The following LYPLAL1 variants were observed in gnomAD, a reference collection of about 807,000 sequenced individuals.
LYPLAL1 encodes lysophospholipase like 1, also known as lysophospholipase-like protein 1.
Under a neutral mutation model 19.7 loss-of-function variants are expected in LYPLAL1, and 23 were observed. The observed-to-expected ratio is 1.17, with a 90% CI of 0.84 to 1.65. The LOEUF (loss-of-function observed/expected upper bound fraction) is 1.65. Ranked by LOEUF, LYPLAL1 falls within the 40% of genes most tolerant of loss-of-function variation. LYPLAL1 has a pLI of 0.00. For missense variants in LYPLAL1, 355 were observed against 279.4 expected, an observed-to-expected ratio of 1.27 and a Z score of -1.93; for synonymous variants, 119 against 96.3, an observed-to-expected ratio of 1.24 and a Z score of -1.38.
the LYPLAL1 span, among the ~76,000 whole-genome samples, chr1:219,300,573 C>T: frequency 3.5e-4 from 44 of 127,166 alleles, no homozygotes; most frequent in Admixed American, 8.0e-4. Flanking sequence ...CTCGCTCTGT[C>T]GCCCAGGCTG....
chr1:219,295,711 A>G, the LYPLAL1 span, among the ~76,000 whole-genome samples: 1 of 151,912 alleles, frequency 6.6e-6, no homozygotes, highest in Non-Finnish European at 1.5e-5. Flanking sequence ...TCTGTCCCCT[A>G]CTCCAGCTAC....
At chr1:219,211,222 C>G (rs1478052455) in intron 4 of LYPLAL1, among the ~76,000 whole-genome samples, 2 of 152,042 alleles carry the variant, frequency 1.3e-5, no homozygotes, top group Non-Finnish European at 2.9e-5. Context: ...CACTTAGTTT[C>G]TTTAGGAAAT....
the LYPLAL1 span, among the ~76,000 whole-genome samples, chr1:219,325,426 A>G: frequency 2.6e-5 from 4 of 152,190 alleles, no homozygotes; most frequent in Non-Finnish European, 5.9e-5. Context: ...GAAAATTTCC[A>G]TGCAAAGAAA....
chr1:219,232,187 A>G, the LYPLAL1 span, among the ~76,000 whole-genome samples: 4 of 152,170 alleles, frequency 2.6e-5, no homozygotes, highest in East Asian at 5.8e-4. Context: ...GTGAGTTTTT[A>G]AGGGAGATAT....
the LYPLAL1 span, among the ~76,000 whole-genome samples, chr1:219,320,017 G>T: frequency 6.6e-6 from 1 of 152,016 alleles, no homozygotes; most frequent in Non-Finnish European, 1.5e-5. Flanking sequence ...ATAAAATATT[G>T]GTAAAGGAAA....
chr1:219,405,828 G>A, the LYPLAL1 span, among the ~76,000 whole-genome samples: 1 of 152,172 alleles, frequency 6.6e-6, no homozygotes, highest in Admixed American at 6.5e-5. Context: ...AGCCTGCCCT[G>A]ATTGCTTCCT....
At chr1:219,263,876 T>G in the LYPLAL1 span, among the ~76,000 whole-genome samples, 1 of 152,196 alleles carries the variant, frequency 6.6e-6, no homozygotes, top group Non-Finnish European at 1.5e-5. Flanking sequence ...CACAGTTTTT[T>G]GGCTATCTCA....
Position 219,212,815 on chromosome 1 carries a change from T to G in LYPLAL1, c.*1087T>G, listed in dbSNP as rs777370555. 2 of 152,066 alleles carry G rather than the reference T, an allele frequency of 1.3e-5. No individual in the cohort carries two copies. The highest frequency in any genetic ancestry group is 2.9e-5 in the Non-Finnish European group (2 of 67,938). 9.4% of individuals were successfully genotyped at this position (152,066 alleles called of 1,614,324 possible). A position where few individuals can be genotyped will look rare whatever the true frequency, so the allele number is the denominator to read the frequency against. Reference sequence around the variant, plus strand: ...CATTCACCACTGATATATAAGTTGCTTCCAGTGTGAGGCTGTTTTAAATAA... The same window carrying G: ...CATTCACCACTGATATATAAGTTGCGTCCAGTGTGAGGCTGTTTTAAATAA... On this transcript the variant is annotated 3_prime_UTR_variant, in exon 5 of 5. Coordinates refer to ENST00000366928, the MANE Select transcript of LYPLAL1 (RefSeq NM_138794.5).
the LYPLAL1 span, among the ~76,000 whole-genome samples, chr1:219,306,697 C>A: frequency 6.7e-6 from 1 of 150,238 alleles, no homozygotes; most frequent in South Asian, 2.1e-4. Context: ...ATTATGTGAG[C>A]CAAATCCTTA....
the LYPLAL1 span, among the ~76,000 whole-genome samples, chr1:219,397,566 A>G: frequency 6.6e-6 from 1 of 152,146 alleles, no homozygotes; most frequent in Non-Finnish European, 1.5e-5. Context: ...CAAGGTTAGT[A>G]TTGATATGTG....
the LYPLAL1 span, among the ~76,000 whole-genome samples, chr1:219,320,392 C>G: frequency 0.35 from 53,706 of 151,872 alleles, 9,814 homozygotes; most frequent in Non-Finnish European, 0.4. Flanking sequence ...TCTTCTTGAT[C>G]GTCAAGATTA....
chr1:219,312,328 CT>C, the LYPLAL1 span, among the ~76,000 whole-genome samples: 11 of 152,112 alleles, frequency 7.2e-5, no homozygotes, highest in African/African-American at 2.7e-4. Flanking sequence ...TCAAGTATTC[CT>C]TTCCCTGTTT....
At chr1:219,430,794 C>A in the LYPLAL1 span, among the ~76,000 whole-genome samples, 1 of 152,136 alleles carries the variant, frequency 6.6e-6, no homozygotes, top group African/African-American at 2.4e-5. Context: ...TAGTTCCACT[C>A]TGAACTCTTC....
chr1:219,436,920 A>C, the LYPLAL1 span: 1 of 152,192 alleles, frequency 6.6e-6, no homozygotes, highest in Non-Finnish European at 1.5e-5. Flanking sequence ...CAAAAAAATA[A>C]ATCTCAGGGT....
At chr1:219,296,091 T>G in the LYPLAL1 span, among the ~76,000 whole-genome samples, 1 of 152,156 alleles carries the variant, frequency 6.6e-6, no homozygotes, top group Non-Finnish European at 1.5e-5. Flanking sequence ...TGGTGAAAAT[T>G]TTCTAAATTT....
the LYPLAL1 span, among the ~76,000 whole-genome samples, chr1:219,275,060 A>G: frequency 6.6e-6 from 1 of 152,160 alleles, no homozygotes; most frequent in African/African-American, 2.4e-5. Flanking sequence ...TTTCTCAAAT[A>G]TGGTTTTCAA....
the LYPLAL1 span, among the ~76,000 whole-genome samples, chr1:219,257,819 G>C: frequency 6.6e-6 from 1 of 152,032 alleles, no homozygotes; most frequent in Admixed American, 6.6e-5. Context: ...AATTTCACCA[G>C]GGTGGGGTTT....
At chr1:219,178,687 C>T (rs967820410) in intron 1 of LYPLAL1, among the ~76,000 whole-genome samples, 1 of 152,072 alleles carries the variant, frequency 6.6e-6, no homozygotes, top group Non-Finnish European at 1.5e-5. Context: ...ACTGAACACA[C>T]ATTTTGGACT....
the LYPLAL1 span, among the ~76,000 whole-genome samples, chr1:219,372,865 C>T: frequency 6.6e-6 from 1 of 152,044 alleles, no homozygotes; most frequent in Non-Finnish European, 1.5e-5. Context: ...GATCATGCTA[C>T]TGCACTCCAG....
Sources: gnomAD v4.1 joint callset for allele counts (sites outside exome capture counted in the v4.1 genomes callset) on GRCh38, gnomAD v4.1.1 for gene constraint, MANE v1.5 for transcripts, NCBI Gene and HGNC (gene_info 2026-07-23, HGNC 2026-07-21) for gene names.